The following BBX variants were observed in gnomAD, a reference collection of about 807,000 sequenced individuals.
BBX encodes BBX high mobility group box domain containing, also known as HMG box transcription factor BBX.
A neutral mutation model predicts 100.2 loss-of-function variants in BBX; 30 were observed. The ratio of observed to expected loss-of-function variants is 0.30; its 90% CI spans 0.22 to 0.41. The LOEUF is 0.41. Among genes scored for constraint, BBX ranks in the 10% least tolerant of loss-of-function variants. BBX has a pLI of 1.00. For missense variants in BBX, 1,023 were observed against 1,129.8 expected (o/e 0.91, Z 1.35); for synonymous variants, 376 against 388.1 (o/e 0.97, Z 0.37).
At chr3:107,755,457 A>C (rs1254047560) in intron 9 of BBX, 141 bp from the exon 10 acceptor site, 8 of 659,466 alleles carry the variant, frequency 1.2e-5, no homozygotes, top group Non-Finnish European at 2.1e-5. Flanking sequence ...TGATCATCCC[A>C]AATGTGACAT....
intron 2 of BBX, among the ~76,000 whole-genome samples, chr3:107,538,289 G>A (rs2048637365): frequency 6.6e-6 from 1 of 152,100 alleles, no homozygotes; most frequent in Non-Finnish European, 1.5e-5. Flanking sequence ...AAAGTCTTGA[G>A]GAATGGGATC....
At position 107,808,875 on chromosome 3, in the gene BBX, C is replaced by CA. The variant is rs2071181631; in HGVS notation, c.*3419dup. The CA allele has an allele frequency of 6.6e-6, 1 of 152,162 alleles. No individual in the cohort carries two copies. The highest frequency in any genetic ancestry group is 2.4e-5 in the African/African-American group (1 of 41,442). 9.4% of individuals were successfully genotyped at this position (152,162 alleles called of 1,614,324 possible). ...TGTCAGATGAGCTTTCTACCGATGC[C>CA]ATGTCCCAAAGCCATGTTAAAATAA... On this transcript the variant is annotated 3_prime_UTR_variant, in exon 18 of 18. Transcript: ENST00000325805.
At chr3:107,747,346 C>T (rs2064707237) in intron 8 of BBX, among the ~76,000 whole-genome samples, 1 of 152,146 alleles carries the variant, frequency 6.6e-6, no homozygotes, top group Admixed American at 6.5e-5. Context: ...TGCTAGGTAA[C>T]ATCTTTTATG....
chr3:107,660,669 T>A (rs1387577057), intron 3 of BBX, among the ~76,000 whole-genome samples: 1 of 152,190 alleles, frequency 6.6e-6, no homozygotes. Flanking sequence ...AATTTCTTTG[T>A]GTTCTTATTG....
In BBX at chr3:107,773,335, G is replaced by A. The variant is rs200016321; in HGVS notation, c.1614G>A (p.Met538Ile). ...AAGTGAAATCAAGAGAGAAGAAAATGTCAAAGGAGAAATCCTCAGACACCA... is the reference window on the plus strand; with the variant it reads ...AAGTGAAATCAAGAGAGAAGAAAATATCAAAGGAGAAATCCTCAGACACCA... The part of the protein sequence containing the change: ...KKKVKSREKK[M>I]SKEKSSDTTK... Residue 538 changes from methionine (M) to isoleucine (I), a missense_variant, in exon 11 of 18, where the codon ATG becomes ATA. Transcript: ENST00000325805. The surrounding 1 kb of genome is among the most constrained non-coding windows in gnomAD (Gnocchi z 4.1). The A allele has an allele frequency of 1.7e-4, 270 of 1,613,978 alleles. No individual in the cohort carries two copies. The highest frequency in any genetic ancestry group is 2.0e-4 in the Non-Finnish European group (238 of 1,179,996).
In BBX at chr3:107,760,345, C is replaced by G. The variant is rs1014000301; in HGVS notation, c.906+4667C>G. 8.5e-5 allele frequency among the ~76,000 whole-genome samples: 13 copies of G among 152,328 alleles called. No homozygotes were observed. The South Asian group carries it at 1.9e-3, about 22-fold the overall frequency. On this transcript the variant is annotated intron_variant, in intron 10 of 17. Transcript: ENST00000325805. ...GAATAAGATGACAGATTGTCCAAGACTGCTGTCAAAGAAATGGAGCTCATG... is the reference window on the plus strand; with the variant it reads ...GAATAAGATGACAGATTGTCCAAGAGTGCTGTCAAAGAAATGGAGCTCATG...
intron 13 of BBX, among the ~76,000 whole-genome samples, chr3:107,780,205 C>T (rs945712665): frequency 6.6e-6 from 1 of 152,022 alleles, no homozygotes; most frequent in African/African-American, 2.4e-5. Flanking sequence ...TCCCATAATT[C>T]TTGGATTTAA....
Position 107,581,271 on chromosome 3 carries a change from T to C in BBX, c.-84+54873T>C, listed in dbSNP as rs2052258476. ...TTATATATATATTATTATTACACAC[T>C]TGTTGGCAGTGTAGGGTGGATAAAA... is the stretch of plus-strand genomic sequence containing the variant. On this transcript the variant is annotated intron_variant, in intron 2 of 17. Transcript: ENST00000325805. Among the ~76,000 whole-genome samples the C allele has an allele frequency of 2.6e-5, 4 of 152,030 alleles. No individual in the cohort carries two copies. In the South Asian group the frequency reaches 8.3e-4, roughly 32 times the overall value.
intron 15 of BBX, among the ~76,000 whole-genome samples, chr3:107,795,805 C>A (rs777069974): frequency 6.6e-6 from 1 of 151,938 alleles, no homozygotes; most frequent in Non-Finnish European, 1.5e-5. Context: ...AACTGTACCT[C>A]CATTTGCAAT....
intron 7 of BBX, 96 bp from the exon 8 acceptor site, chr3:107,744,534 T>A: frequency 3.4e-6 from 3 of 885,638 alleles, no homozygotes; most frequent in South Asian, 3.2e-5. Context: ...GTAACTGTTG[T>A]TGATAATAAA....
chr3:107,661,903 C>G (rs1157353375), intron 3 of BBX: 1 of 984,976 alleles, frequency 1.0e-6, no homozygotes. Flanking sequence ...GGAGGATTCA[C>G]TGGGATATTG....
In BBX at chr3:107,755,504, C is replaced by G. The variant is rs189627501; in HGVS notation, c.826-94C>G. 4 of 1,097,200 alleles carry G rather than the reference C, an allele frequency of 3.6e-6. No homozygotes were observed. In the South Asian group the frequency reaches 5.1e-5, roughly 14 times the overall value. 68.0% of individuals were successfully genotyped at this position (1,097,200 alleles called of 1,614,324 possible). A position where few individuals can be genotyped will look rare whatever the true frequency, so the allele number is the denominator to read the frequency against. ...TGGTACATGGGAGCAATGATACTCT[C>G]GTAACTAAGAAAAATTCCTGAATGT... On this transcript the variant is annotated intron_variant, in intron 9 of 17. Transcript: ENST00000325805.
intron 16 of BBX, 140 bp from the exon 17 acceptor site, chr3:107,800,955 G>A: frequency 1.3e-6 from 1 of 797,016 alleles, no homozygotes. Flanking sequence ...TTCTGTAAAA[G>A]CCTTAATATT....
intron 2 of BBX, among the ~76,000 whole-genome samples, chr3:107,534,349 G>T (rs913890599): frequency 6.6e-6 from 1 of 152,216 alleles, no homozygotes; most frequent in Non-Finnish European, 1.5e-5. Context: ...ATGTGGTGGA[G>T]CATGGAACAA....
At chr3:107,545,268 A>G (rs183349097) in intron 2 of BBX, among the ~76,000 whole-genome samples, 109 of 152,332 alleles carry the variant, frequency 7.2e-4, no homozygotes, top group Admixed American at 2.4e-3. Context: ...GACTTTAAGC[A>G]TCTATCCCCT....
At chr3:107,673,348 A>G (rs1235387876) in intron 3 of BBX, among the ~76,000 whole-genome samples, 1 of 152,042 alleles carries the variant, frequency 6.6e-6, no homozygotes, top group Admixed American at 6.6e-5. Flanking sequence ...GGGGTATGGT[A>G]GTAAGTTTTC....
intron 4 of BBX, 164 bp from the exon 5 acceptor site, chr3:107,716,443 A>T: frequency 1.2e-6 from 1 of 816,564 alleles, no homozygotes; most frequent in Non-Finnish European, 1.9e-6. Context: ...TTAGTTACCA[A>T]CCATGAACAG....
chr3:107,618,533 G>A (rs1263763389), intron 2 of BBX, among the ~76,000 whole-genome samples: 1 of 151,912 alleles, frequency 6.6e-6, no homozygotes, highest in Non-Finnish European at 1.5e-5. Flanking sequence ...AAAGTATTTA[G>A]TGCTACAGGT....
intron 17 of BBX, 51 bp from the exon 18 acceptor site, chr3:107,805,319 C>T: frequency 6.5e-7 from 1 of 1,542,292 alleles, no homozygotes; most frequent in South Asian, 1.2e-5. Flanking sequence ...CCTCTCCTGT[C>T]TCTAATAACA....
Sources: gnomAD v4.1 joint callset for allele counts (sites outside exome capture counted in the v4.1 genomes callset) on GRCh38, gnomAD v4.1.1 for gene constraint, Gnocchi (gnomAD v3.1) non-coding constraint, MANE v1.5 for transcripts, NCBI Gene and HGNC (gene_info 2026-07-23, HGNC 2026-07-21) for gene names.